KIF2A: variants seen among roughly 807,000 people sequenced by gnomAD.
KIF2A encodes kinesin family member 2A.
Under a neutral mutation model 100.2 loss-of-function variants are expected in KIF2A, and 22 were observed. That is an observed-to-expected ratio of 0.22 (90% CI 0.16 to 0.31). KIF2A has a LOEUF of 0.31. Ranked by LOEUF, KIF2A falls within the 10% of genes least tolerant of loss-of-function variation. KIF2A has a pLI of 1.00. For missense variants in KIF2A, 495 were observed against 898.7 expected (o/e 0.55, Z 5.74); for synonymous variants, 268 against 285.9 (o/e 0.94, Z 0.63).
intron 1 of KIF2A, chr5:62,306,920 T>G: frequency 5.6e-6 from 1 of 179,462 alleles, no homozygotes; most frequent in Non-Finnish European, 1.2e-5. Context: ...CGCTTCCCCT[T>G]GGTCTTTGCA....
intron 12 of KIF2A, among the ~76,000 whole-genome samples, chr5:62,362,818 C>A (rs1748473366): frequency 6.6e-6 from 1 of 152,114 alleles, no homozygotes; most frequent in Admixed American, 6.6e-5. Flanking sequence ...CTGGGTGACT[C>A]ATTTTTATAG....
rs1579992163 is a variant in KIF2A, at chr5:62,310,071, T to TAA, written c.64+3535_64+3536insAA. On this transcript the variant is annotated intron_variant, in intron 1 of 20. Coordinates refer to ENST00000407818, the MANE Select transcript of KIF2A (RefSeq NM_001098511.3). ...GGGACTTACTAATAACTAATAATTCTTTTTTTTTTTTTTTTTGAGACAGAG... is the reference window on the plus strand; with the variant it reads ...GGGACTTACTAATAACTAATAATTCTAATTTTTTTTTTTTTTTTGAGACAGAG... 6.1e-3 allele frequency among the ~76,000 whole-genome samples: 334 copies of TAA among 54,526 alleles called. 5 individuals are homozygous for TAA. The highest frequency in any genetic ancestry group is 0.012 in the African/African-American group (93 of 8,020). 35.8% of individuals were successfully genotyped at this position (54,526 alleles called of 152,430 possible).
chr5:62,364,605 AAAAT>A (rs1740982234), intron 14 of KIF2A, among the ~76,000 whole-genome samples: 1 of 152,356 alleles, frequency 6.6e-6, no homozygotes, highest in Admixed American at 6.5e-5. Context: ...TGGAAAGACT[AAAAT>A]AAGGCATTCT....
chr5:62,359,866 CT>C (rs1242600333), intron 9 of KIF2A, among the ~76,000 whole-genome samples: 1 of 152,076 alleles, frequency 6.6e-6, no homozygotes, highest in Non-Finnish European at 1.5e-5. Flanking sequence ...ATCCCTAGTT[CT>C]GTTTGACCAG....
At chr5:62,355,022 C>G in intron 6 of KIF2A, 137 bp from the exon 7 acceptor site, 1 of 526,270 alleles carries the variant, frequency 1.9e-6, no homozygotes, top group East Asian at 3.2e-5. Context: ...AACTGTGAAA[C>G]TATATAATAT....
intron 16 of KIF2A, among the ~76,000 whole-genome samples, chr5:62,367,775 C>T (rs1741145814): frequency 6.6e-6 from 1 of 151,618 alleles, no homozygotes; most frequent in Non-Finnish European, 1.5e-5. Flanking sequence ...TTTTTTTTCC[C>T]ACTGCTCTTG....
intron 1 of KIF2A, among the ~76,000 whole-genome samples, chr5:62,329,424 C>T (rs56200376): frequency 0.022 from 3,412 of 152,312 alleles, 129 homozygotes; most frequent in African/African-American, 0.077. Context: ...CTTAGATTAG[C>T]TAACACAACC....
intron 18 of KIF2A, among the ~76,000 whole-genome samples, chr5:62,374,543 A>AT (rs1219404412): frequency 6.6e-6 from 1 of 152,078 alleles, no homozygotes; most frequent in African/African-American, 2.4e-5. Flanking sequence ...TAAACCATTC[A>AT]TTTTTTTCCC....
chr5:62,390,998 T>C lies in KIF2A; in HGVS notation c.*5429T>C. 1 of 1,602,130 alleles carries C rather than the reference T, an allele frequency of 6.2e-7. No homozygotes were observed. Among genetic ancestry groups the C allele is most frequent in the African/African-American group, 1.3e-5 (1 of 74,816 alleles). Reference sequence around the variant, plus strand: ...CTGGTATTATCTATCAATATAAGATTCAGAATAAATGAACGACATATCTTT... The same window carrying C: ...CTGGTATTATCTATCAATATAAGATCCAGAATAAATGAACGACATATCTTT... On this transcript the variant is annotated 3_prime_UTR_variant, in exon 21 of 21. Transcript: ENST00000407818.
At chr5:62,354,485 G>A (rs1455649544) in intron 6 of KIF2A, among the ~76,000 whole-genome samples, 2 of 152,158 alleles carry the variant, frequency 1.3e-5, no homozygotes, top group Non-Finnish European at 2.9e-5. Context: ...GGCTAGGAAA[G>A]ACTGTTGACT....
Position 62,374,696 on chromosome 5 carries a change from G to A in KIF2A, c.1911+859G>A, listed in dbSNP as rs898663158. Among the ~76,000 whole-genome samples the A allele has an allele frequency of 5.3e-5, 8 of 152,232 alleles. No individual in the cohort carries two copies. In the South Asian group the frequency reaches 8.3e-4, roughly 16 times the overall value. On this transcript the variant is annotated intron_variant, in intron 18 of 20. Coordinates refer to ENST00000407818, the MANE Select transcript of KIF2A (RefSeq NM_001098511.3). ...TGTCTCACGCCTGTAATCCGAGGCCGAGGTGGGCGGATCACTTAAGGTCAG... is the reference window on the plus strand; with the variant it reads ...TGTCTCACGCCTGTAATCCGAGGCCAAGGTGGGCGGATCACTTAAGGTCAG...
At chr5:62,336,986 CTT>C (rs1746987066) in intron 1 of KIF2A, among the ~76,000 whole-genome samples, 1 of 152,130 alleles carries the variant, frequency 6.6e-6, no homozygotes, top group South Asian at 2.1e-4. Flanking sequence ...AATGTGGAAA[CTT>C]TATCTAAAAC....
In KIF2A at chr5:62,311,248, T is replaced by C. The variant is rs533932903; in HGVS notation, c.64+4712T>C. On this transcript the variant is annotated intron_variant, in intron 1 of 20. Transcript: ENST00000407818. ...TGACAGTAAAGGAGGAATTCTCTGT[T>C]ATTTTGGAACCGTATACCGCTTTTT... Among the ~76,000 whole-genome samples the C allele has an allele frequency of 3.4e-3, 523 of 152,300 alleles. 2 individuals carry two copies. The highest frequency in any genetic ancestry group is 0.012 in the African/African-American group (497 of 41,564).
At chr5:62,363,387 T>C (rs1215569603) in intron 13 of KIF2A, 67 bp downstream of exon 13, 8 of 1,413,876 alleles carry the variant, frequency 5.7e-6, no homozygotes, top group Non-Finnish European at 7.7e-6. Context: ...TATAACAAAA[T>C]GAGGATGTTA....
rs534703309 is a variant in KIF2A at position 62,387,937 on chromosome 5, T to TA, written c.*2375dup. 2.6e-4 allele frequency: 40 copies of TA among 152,136 alleles called. No individual in the cohort carries two copies. Among genetic ancestry groups the TA allele is most frequent in the African/African-American group, 9.4e-4 (39 of 41,544 alleles). The allele number at this position is 152,136 out of a possible 1,614,324, so 9.4% of individuals were successfully genotyped here. ...AACACTCTTCTATTAAGTTAGGTAT[T>TA]AAAAAAAGCCAAATATCAATAAAGA... On this transcript the variant is annotated 3_prime_UTR_variant, in exon 21 of 21. Transcript: ENST00000407818.
Position 62,389,154 on chromosome 5 carries a change from G to T in KIF2A, c.*3585G>T. ...TAATACTAAAACATGAATACAGCAT[G>T]CTTACAGAGCCCACCCACTCCTAAT... On this transcript the variant is annotated 3_prime_UTR_variant, in exon 21 of 21. Transcript: ENST00000407818. 1 of 1,006,276 alleles carries T rather than the reference G, an allele frequency of 9.9e-7. No homozygotes were observed. The highest frequency in any genetic ancestry group is 1.5e-6 in the Non-Finnish European group (1 of 675,794). The allele number at this position is 1,006,276 out of a possible 1,614,324, so 62.3% of individuals were successfully genotyped here. A position where few individuals can be genotyped will look rare whatever the true frequency, so the allele number is the denominator to read the frequency against.
At chr5:62,346,378 A>G (rs1442256333) in intron 1 of KIF2A, among the ~76,000 whole-genome samples, 1 of 152,174 alleles carries the variant, frequency 6.6e-6, no homozygotes, top group Non-Finnish European at 1.5e-5. Context: ...AAATTTTATC[A>G]ATTTGCATCG....
At chr5:62,370,563 C>T (rs924231149) in intron 16 of KIF2A, among the ~76,000 whole-genome samples, 1 of 152,080 alleles carries the variant, frequency 6.6e-6, no homozygotes, top group African/African-American at 2.4e-5. Flanking sequence ...TCTGAAAGTA[C>T]TGGGATTACA....
intron 1 of KIF2A, among the ~76,000 whole-genome samples, chr5:62,310,433 A>G (rs1338724438): frequency 1.3e-5 from 2 of 152,138 alleles, no homozygotes; most frequent in Admixed American, 1.3e-4. Context: ...GTCTAGCAAA[A>G]TTCCTTGCAC....
Sources: gnomAD v4.1 joint callset for allele counts (sites outside exome capture counted in the v4.1 genomes callset) on GRCh38, gnomAD v4.1.1 for gene constraint, MANE v1.5 for transcripts, NCBI Gene and HGNC (gene_info 2026-07-23, HGNC 2026-07-21) for gene names.